Variants in NOTCH3 observed in about 807,000 individuals in gnomAD.
NOTCH3 encodes the protein notch receptor 3.
A neutral mutation model predicts 213.3 loss-of-function variants in NOTCH3; 86 were observed. The observed-to-expected ratio is 0.40, with a 90% CI of 0.34 to 0.48. The LOEUF is 0.48. Among genes scored for constraint, NOTCH3 ranks in the 20% least tolerant of loss-of-function variants. The pLI is 0.57. For missense variants in NOTCH3, 2,783 were observed against 3,272.6 expected (o/e 0.85, Z 3.65); for synonymous variants, 1,354 against 1,355.9 (o/e 1.00, Z 0.03).
intron 28 of NOTCH3, 42 bp from the exon 29 acceptor site, chr19:15,167,453 G>C (rs781207447): frequency 6.3e-7 from 1 of 1,592,720 alleles, no homozygotes; most frequent in African/African-American, 1.3e-5. Flanking sequence ...TCACCCTTTG[G>C]TGCTGGGGAG....
At chr19:15,170,611 C>A (rs1194381821) in intron 26 of NOTCH3, 58 bp from the exon 27 acceptor site, 1 of 1,564,592 alleles carries the variant, frequency 6.4e-7, no homozygotes, top group African/African-American at 1.4e-5. Flanking sequence ...TGGCCTCAGG[C>A]GGGGCTTCGG....
chr19:15,181,772 C>T lies in NOTCH3; in HGVS notation c.2596G>A (p.Asp866Asn). ...NPCLNGGSCQ[D>N]GVGSFSCSCL... ...GAGCAGGAAAAGGAGCCCACGCCGTCTTGGCACGAGCCACCGTTCAGGCAT... is the reference window on the plus strand; with the variant it reads ...GAGCAGGAAAAGGAGCCCACGCCGTTTTGGCACGAGCCACCGTTCAGGCAT... Residue 866 changes from aspartate to asparagine, a missense_variant, in exon 17 of 33, where the codon GAC becomes AAC. Around this residue, in one of 6 missense-constraint regions of NOTCH3, gnomAD observed 861 missense variants for 909.1 expected, o/e 0.95. Transcript: ENST00000263388. 1 of 1,565,858 alleles carries T rather than the reference C, an allele frequency of 6.4e-7. No individual in the cohort carries two copies. Among genetic ancestry groups the T allele is most frequent in the Non-Finnish European group, 8.7e-7 (1 of 1,154,886 alleles).
In NOTCH3 at chr19:15,179,406, G is replaced by A. The variant is rs762762250; in HGVS notation, c.3418C>T (p.Leu1140Phe). ...PCQHGGSCID[L>F]VARYLCSCPP... is the part of the protein sequence containing the mutation. ...CAGGAGCAGAGATAGCGGGCCACGAGGTCAATGCATGAACCCCCGTGCTGG... is the reference window on the plus strand; with the variant it reads ...CAGGAGCAGAGATAGCGGGCCACGAAGTCAATGCATGAACCCCCGTGCTGG... Residue 1140 changes from leucine to phenylalanine, a missense_variant, in exon 21 of 33, where the codon CTC (leucine) becomes TTC (phenylalanine). By Grantham distance (22) the Leu-to-Phe change is conservative. Coordinates refer to ENST00000263388, the MANE Select transcript of NOTCH3 (RefSeq NM_000435.3). 11 of 1,613,952 alleles carry A rather than the reference G, an allele frequency of 6.8e-6. No homozygotes were observed. Among genetic ancestry groups the A allele is most frequent in the African/African-American group, 1.3e-5 (1 of 74,902 alleles).
Position 15,159,637 on chromosome 19 carries a change from T to G in NOTCH3, c.*1025A>C, listed in dbSNP as rs1165643451. 3 of 231,040 alleles carry G rather than the reference T, an allele frequency of 1.3e-5. No individual in the cohort carries two copies. In the East Asian group the frequency reaches 1.8e-4, roughly 14 times the overall value. The allele number at this position is 231,040 out of a possible 1,614,324, so 14.3% of individuals were successfully genotyped here. A position where few individuals can be genotyped will look rare whatever the true frequency, so the allele number is the denominator to read the frequency against. On this transcript the variant is annotated 3_prime_UTR_variant, in exon 33 of 33. Transcript: ENST00000263388. ...CTAGACACAGACCAACAACACTGAG[T>G]GTTAACTATTCCTTTATTAGGTGGT...
rs534328974 is a variant in NOTCH3, at chr19:15,199,287, C to T, written c.118+1501G>A. 1.1e-4 allele frequency among the ~76,000 whole-genome samples: 16 copies of T among 152,270 alleles called. No individual in the cohort carries two copies. The South Asian group carries it at 1.7e-3, about 16-fold the overall frequency. ...TGTGTGTATGAGCTGCACACCCATA[C>T]GGGAATGCACAGATGTGTGTGCTGT... On this transcript the variant is annotated intron_variant, in intron 1 of 32. Transcript: ENST00000263388.
chr19:15,194,627 C>T (rs1291475106), intron 2 of NOTCH3, among the ~76,000 whole-genome samples: 2 of 152,064 alleles, frequency 1.3e-5, no homozygotes, highest in African/African-American at 2.4e-5. Context: ...TTCTGGGGAA[C>T]GGCATTCCAG....
rs2145408794 is a variant in NOTCH3 at position 15,174,186 on chromosome 19, G to A, written c.4618C>T (p.Arg1540Cys). ...DFLQRLSAILRTSLRFRLDAH... is the reference protein window; with the variant it reads ...DFLQRLSAILCTSLRFRLDAH... ...TCCAGGCGGAAGCGCAGCGAGGTGCGCAGGATGGCGCTGAGCCGCTGCAGA... is the reference window on the plus strand; with the variant it reads ...TCCAGGCGGAAGCGCAGCGAGGTGCACAGGATGGCGCTGAGCCGCTGCAGA... The change falls in exon 25 of 33, where the codon CGC becomes TGC. Residue 1540 changes from arginine (R) to cysteine (C), a missense_variant. Coordinates refer to ENST00000263388, the MANE Select transcript of NOTCH3 (RefSeq NM_000435.3). The A allele has an allele frequency of 6.2e-7, 1 of 1,608,562 alleles. No homozygotes were observed. The highest frequency in any genetic ancestry group is 1.1e-5 in the South Asian group (1 of 90,992).
intron 25 of NOTCH3, among the ~76,000 whole-genome samples, chr19:15,173,353 C>T (rs561203906): frequency 5.9e-4 from 80 of 135,690 alleles, no homozygotes; most frequent in Non-Finnish European, 1.0e-3. Flanking sequence ...ACCCGGGAGG[C>T]GGAGCTTGCA....
In NOTCH3 at chr19:15,179,503, T is replaced by G; in HGVS notation, c.3328-7A>C. On this transcript the variant is annotated splice_region_variant and splice_polypyrimidine_tract_variant and intron_variant, in intron 20 of 32. Coordinates refer to ENST00000263388, the MANE Select transcript of NOTCH3 (RefSeq NM_000435.3). Reference sequence around the variant, plus strand: ...CATTGTAGCCAGGAAGACACTTCAGTGGGGTAAGAGAGGGACCCACTCAGC... The same window carrying G: ...CATTGTAGCCAGGAAGACACTTCAGGGGGGTAAGAGAGGGACCCACTCAGC... 6.2e-7 allele frequency: 1 copy of G among 1,613,720 alleles called. No individual in the cohort carries two copies. Among genetic ancestry groups the G allele is most frequent in the Non-Finnish European group, 8.5e-7 (1 of 1,179,972 alleles).
chr19:15,160,381 G>C lies in NOTCH3; in HGVS notation c.*281C>G, dbSNP rs1229805944. On this transcript the variant is annotated 3_prime_UTR_variant, in exon 33 of 33. Transcript: ENST00000263388. ...GTAAGGAAATGAGAGGCCAGAAGGA[G>C]AGAGAAAGGAATGAGGGAAGAGAGA... The C allele has an allele frequency of 4.2e-6, 2 of 477,180 alleles. No homozygotes were observed. Among genetic ancestry groups the C allele is most frequent in the Admixed American group, 7.3e-5 (2 of 27,284 alleles). The allele number at this position is 477,180 out of a possible 1,614,324, so 29.6% of individuals were successfully genotyped here. A position where few individuals can be genotyped will look rare whatever the true frequency, so the allele number is the denominator to read the frequency against.
At chr19:15,166,172 A>T in intron 29 of NOTCH3, 81 bp from the exon 30 acceptor site, 12 of 1,216,968 alleles carry the variant, frequency 9.9e-6, no homozygotes, top group Non-Finnish European at 1.3e-5. Flanking sequence ...CCCCATTAGG[A>T]GCTAATGGGA....
chr19:15,162,416 T>A (rs767499973), intron 32 of NOTCH3, 49 bp downstream of exon 32: 2 of 1,289,698 alleles, frequency 1.6e-6, no homozygotes, highest in East Asian at 2.3e-5. Context: ...TGGATTGCAA[T>A]GGCACTGTGC....
chr19:15,199,644 T>C (rs1259391809), intron 1 of NOTCH3, among the ~76,000 whole-genome samples: 1 of 152,160 alleles, frequency 6.6e-6, no homozygotes, highest in Non-Finnish European at 1.5e-5. Flanking sequence ...GTGTGCAGGT[T>C]TGCATCTCTG....
intron 15 of NOTCH3, among the ~76,000 whole-genome samples, 191 bp downstream of exon 15, chr19:15,184,715 T>C (rs929345267): frequency 6.6e-6 from 1 of 152,166 alleles, no homozygotes; most frequent in African/African-American, 2.4e-5. Context: ...TCTAGCCCCA[T>C]AACTCTTCCT....
At chr19:15,176,932 C>T (rs1193390472) in intron 24 of NOTCH3, among the ~76,000 whole-genome samples, 1 of 150,606 alleles carries the variant, frequency 6.6e-6, no homozygotes, top group Non-Finnish European at 1.5e-5. Flanking sequence ...AAAAGCCAGG[C>T]GTGGTGGCAG....
In NOTCH3 at chr19:15,166,077, G is replaced by A. The variant is rs1327886918; in HGVS notation, c.5377C>T (p.Leu1793=). 6.2e-6 allele frequency: 10 copies of A among 1,614,174 alleles called. No individual in the cohort carries two copies. In the South Asian group the frequency reaches 9.9e-5, roughly 16 times the overall value. The stretch of plus-strand genomic sequence containing the variant: ...CCCCCACAGAAGGAAGCCAGCATTA[G>A]CGGGGTGAAGCCATCTGCAGGGACA... ...NVRGPDGFTP[L]MLASFCGGAL... is the part of the protein sequence containing the mutation. The change falls in exon 30 of 33, where the codon CTA becomes TTA. Residue 1793 remains leucine (L), a synonymous_variant. Transcript: ENST00000263388.
intron 7 of NOTCH3, 43 bp downstream of exon 7, chr19:15,189,230 C>T (rs896664111): frequency 1.9e-6 from 3 of 1,613,586 alleles, no homozygotes; most frequent in Non-Finnish European, 2.5e-6. Flanking sequence ...CCCTCCTCTC[C>T]CCTCTTTCCC....
At chr19:15,177,071 T>TAA (rs776950725) in intron 24 of NOTCH3, among the ~76,000 whole-genome samples, 13,055 of 78,674 alleles carry the variant, frequency 0.17, 937 homozygotes, top group East Asian at 0.22. Context: ...GACTCCGTCT[T>TAA]AAAAAAAAAA....
At chr19:15,186,855 T>C in intron 12 of NOTCH3, 23 bp downstream of exon 12, 2 of 1,597,046 alleles carry the variant, frequency 1.3e-6, no homozygotes, top group Non-Finnish European at 1.7e-6. Context: ...AAGGACCCCC[T>C]CTCATGGCAG....
Sources: gnomAD v4.1 joint callset for allele counts (sites outside exome capture counted in the v4.1 genomes callset) on GRCh38, gnomAD v4.1.1 for gene constraint, gnomAD v4.1.1 regional missense constraint, MANE v1.5 for transcripts, NCBI Gene and HGNC (gene_info 2026-07-23, HGNC 2026-07-21) for gene names.